ANXA4: variants seen among roughly 807,000 people sequenced by gnomAD.
ANXA4 encodes the protein annexin A4, also known as 35-beta calcimedin.
Under a neutral mutation model 49.8 loss-of-function variants are expected in ANXA4, and 39 were observed. The ratio of observed to expected loss-of-function variants is 0.78; its 90% CI spans 0.61 to 1.02. The LOEUF (loss-of-function observed/expected upper bound fraction) is 1.02. Among genes scored for constraint, ANXA4 ranks in the 50% least tolerant of loss-of-function variants. The pLI is 0.00. For synonymous variants in ANXA4, 134 were observed against 152.5 expected (o/e 0.88, Z 0.89); for missense variants, 360 against 410.1 (o/e 0.88, Z 1.05).
At chr2:69,735,239 A>C (rs1208181260) in intron 3 of ANXA4, among the ~76,000 whole-genome samples, 7 of 152,188 alleles carry the variant, frequency 4.6e-5, no homozygotes, top group African/African-American at 1.7e-4. Flanking sequence ...GTATATACAC[A>C]AGTAACAATG....
intron 5 of ANXA4, among the ~76,000 whole-genome samples, chr2:69,807,128 A>T (rs1673474173): frequency 6.6e-6 from 1 of 152,168 alleles, no homozygotes; most frequent in South Asian, 2.1e-4. Context: ...TACCAATTAT[A>T]ATTTAAAAGT....
At chr2:69,756,766 G>A (rs557254744) in intron 1 of ANXA4, among the ~76,000 whole-genome samples, 76 of 151,460 alleles carry the variant, frequency 5.0e-4, no homozygotes, top group African/African-American at 1.8e-3. Flanking sequence ...TTAATTTTTG[G>A]TATAAAATAT....
intron 2 of ANXA4, among the ~76,000 whole-genome samples, chr2:69,659,099 C>T (rs151167536): frequency 3.7e-4 from 56 of 152,268 alleles, no homozygotes; most frequent in South Asian, 1.9e-3. Flanking sequence ...GTGAAACAAA[C>T]GAGGTAAATC....
chr2:69,792,113 A>C (rs901181596), intron 3 of ANXA4, among the ~76,000 whole-genome samples: 1 of 152,206 alleles, frequency 6.6e-6, no homozygotes, highest in South Asian at 2.1e-4. Context: ...CCCAAAAGCC[A>C]GGGGTTAGGA....
At chr2:69,661,906 T>C (rs771180186) in intron 2 of ANXA4, among the ~76,000 whole-genome samples, 2 of 152,178 alleles carry the variant, frequency 1.3e-5, no homozygotes, top group Non-Finnish European at 2.9e-5. Context: ...ATTGGAAGCA[T>C]GTTCTCTGAA....
chr2:69,685,440 T>C (rs757265782), intron 2 of ANXA4, among the ~76,000 whole-genome samples: 1 of 152,212 alleles, frequency 6.6e-6, no homozygotes, highest in Non-Finnish European at 1.5e-5. Flanking sequence ...CAGTCAATTG[T>C]ACGCACAGGT....
At chr2:69,779,611 A>T (rs947877726) in intron 1 of ANXA4, among the ~76,000 whole-genome samples, 3 of 152,064 alleles carry the variant, frequency 2.0e-5, no homozygotes, top group Non-Finnish European at 2.9e-5. Context: ...TTTCCAGTTT[A>T]CCCTATAGTA....
In ANXA4 at chr2:69,826,831, G is replaced by C. The variant is rs958104854; in HGVS notation, c.*1316G>C. 6.7e-6 allele frequency: 1 copy of C among 149,646 alleles called. No individual in the cohort carries two copies. Among genetic ancestry groups the C allele is most frequent in the Admixed American group, 6.7e-5 (1 of 15,002 alleles). The allele number at this position is 149,646 out of a possible 1,614,324, so 9.3% of individuals were successfully genotyped here. A position where few individuals can be genotyped will look rare whatever the true frequency, so the allele number is the denominator to read the frequency against. On this transcript the variant is annotated 3_prime_UTR_variant, in exon 13 of 13. Coordinates refer to ENST00000394295, the MANE Select transcript of ANXA4 (RefSeq NM_001153.5). ...TTAAAGTGAGGTATAGTCTTTCTCT[G>C]ATCCACTTTTCACCTTCTGAGGTTT...
At chr2:69,793,250 C>CAA (rs70954360) in intron 3 of ANXA4, among the ~76,000 whole-genome samples, 4 of 128,576 alleles carry the variant, frequency 3.1e-5, no homozygotes, top group East Asian at 4.5e-4. Flanking sequence ...GACTCCATCT[C>CAA]AAAAAAAAAA....
At chr2:69,649,423 AT>A (rs1373916466) in intron 1 of ANXA4, among the ~76,000 whole-genome samples, 1 of 151,188 alleles carries the variant, frequency 6.6e-6, no homozygotes, top group African/African-American at 2.4e-5. Flanking sequence ...ATATATTTAT[AT>A]TTTATTTTTT....
At chr2:69,658,202 A>C (rs1166495201) in intron 2 of ANXA4, among the ~76,000 whole-genome samples, 1 of 151,946 alleles carries the variant, frequency 6.6e-6, no homozygotes, top group Non-Finnish European at 1.5e-5. Flanking sequence ...GTTAGAGACC[A>C]GCCTGGCCAA....
chr2:69,702,015 T>C (rs1678343788), intron 2 of ANXA4, among the ~76,000 whole-genome samples: 1 of 152,138 alleles, frequency 6.6e-6, no homozygotes, highest in African/African-American at 2.4e-5. Flanking sequence ...TTTTATTTTA[T>C]TTATATATAT....
chr2:69,777,810 G>A (rs1159337069), intron 1 of ANXA4, among the ~76,000 whole-genome samples: 2 of 152,134 alleles, frequency 1.3e-5, no homozygotes, highest in African/African-American at 4.8e-5. Flanking sequence ...GATGCCTTCC[G>A]GATCGCCCTG....
intron 3 of ANXA4, among the ~76,000 whole-genome samples, chr2:69,730,947 T>G (rs1006423878): frequency 2.6e-5 from 4 of 152,170 alleles, no homozygotes; most frequent in African/African-American, 9.7e-5. Context: ...AAGGCAAAAT[T>G]ATGTCTCCAC....
intron 3 of ANXA4, among the ~76,000 whole-genome samples, chr2:69,736,938 A>T (rs1225853923): frequency 6.6e-6 from 1 of 152,050 alleles, no homozygotes. Flanking sequence ...AGTATCTGGG[A>T]TTACAGGTGA....
intron 2 of ANXA4, among the ~76,000 whole-genome samples, chr2:69,782,996 A>C (rs935730609): frequency 6.6e-6 from 1 of 152,216 alleles, no homozygotes; most frequent in Admixed American, 6.5e-5. Flanking sequence ...CATATGTATA[A>C]TGATTTTTAA....
intron 2 of ANXA4, among the ~76,000 whole-genome samples, chr2:69,667,331 C>T (rs1038078790): frequency 2.6e-5 from 4 of 151,892 alleles, no homozygotes; most frequent in Non-Finnish European, 5.9e-5. Context: ...GTGAATACCT[C>T]GACAAAGCTA....
At chr2:69,734,651 A>G (rs1670194749) in intron 3 of ANXA4, among the ~76,000 whole-genome samples, 1 of 151,298 alleles carries the variant, frequency 6.6e-6, no homozygotes, top group Non-Finnish European at 1.5e-5. Flanking sequence ...AAAGGAGCCA[A>G]AAAAATCCAT....
At chr2:69,718,980 CTTT>C (rs796398605) in intron 2 of ANXA4, among the ~76,000 whole-genome samples, 5 of 143,858 alleles carry the variant, frequency 3.5e-5, no homozygotes, top group Admixed American at 6.9e-5. Flanking sequence ...AGCTACCCTC[CTTT>C]TTTTTTTTTT....
Sources: allele counts gnomAD v4.1 joint callset (sites outside exome capture counted in the v4.1 genomes callset), GRCh38; gene constraint gnomAD v4.1.1; transcripts MANE v1.5; gene names NCBI Gene and HGNC (gene_info 2026-07-23, HGNC 2026-07-21).